The following GABRA3 variants were observed in gnomAD, a reference collection of about 807,000 sequenced individuals.
GABRA3 encodes the protein gamma-aminobutyric acid receptor subunit alpha-3.
Under a neutral mutation model 30.1 loss-of-function variants are expected in GABRA3, and 10 were observed. The observed-to-expected ratio is 0.33, with a 90% CI of 0.20 to 0.56. The LOEUF (loss-of-function observed/expected upper bound fraction) is 0.56. Ranked by LOEUF, GABRA3 falls within the 20% of genes least tolerant of loss-of-function variation. GABRA3 has a pLI of 0.89. For synonymous variants in GABRA3, 151 were observed against 146.8 expected, an observed-to-expected ratio of 1.03 and a Z score of -0.21; for missense variants, 233 against 392.0, an observed-to-expected ratio of 0.59 and a Z score of 3.42.
chrX:152,227,314 T>C (rs1937978133), intron 5 of GABRA3, among the ~76,000 whole-genome samples: 1 of 90,760 alleles, frequency 1.1e-5, no homozygotes, highest in African/African-American at 4.2e-5. Context: ...TTCTCACTCA[T>C]AGGTGGGAAT....
intron 9 of GABRA3, among the ~76,000 whole-genome samples, chrX:152,185,705 G>A (rs192005832): frequency 2.6e-4 from 29 of 111,610 alleles, no homozygotes; most frequent in Middle Eastern, 4.7e-3. Context: ...ACTAGTTCTA[G>A]GTGATTCTTA....
intron 2 of GABRA3, among the ~76,000 whole-genome samples, chrX:152,345,951 C>A (rs1603245568): frequency 9.0e-6 from 1 of 111,031 alleles, no homozygotes; most frequent in East Asian, 2.9e-4. Context: ...TATCCTGGCC[C>A]CAACCCAGCA....
intron 6 of GABRA3, among the ~76,000 whole-genome samples, chrX:152,209,222 G>A: frequency 8.9e-6 from 1 of 112,133 alleles, no homozygotes; most frequent in Middle Eastern, 4.7e-3. Context: ...GAATTCCAAT[G>A]TCAAGTACAG....
intron 1 of GABRA3, among the ~76,000 whole-genome samples, chrX:152,368,668 C>A (rs985588405): frequency 1.9e-5 from 2 of 105,605 alleles, no homozygotes; most frequent in Non-Finnish European, 3.9e-5. Flanking sequence ...AGTGAGATTG[C>A]TGAATCATGT....
chrX:152,394,920 G>A (rs1929614490), intron 1 of GABRA3, among the ~76,000 whole-genome samples: 1 of 111,276 alleles, frequency 9.0e-6, no homozygotes, highest in African/African-American at 3.3e-5. Context: ...CAAAAAGCAT[G>A]TTTTAATATG....
intron 6 of GABRA3, among the ~76,000 whole-genome samples, chrX:152,211,656 G>A (rs1937629815): frequency 8.9e-6 from 1 of 111,829 alleles, no homozygotes. Context: ...ATCACATCAG[G>A]AAGCCCACAA....
intron 6 of GABRA3, among the ~76,000 whole-genome samples, chrX:152,208,814 T>C (rs1002164692): frequency 8.9e-6 from 1 of 111,758 alleles, no homozygotes; most frequent in African/African-American, 3.3e-5. Flanking sequence ...CTGAGGTCCT[T>C]ACAAAATGCA....
chrX:152,287,336 C>T (rs1939315165), intron 3 of GABRA3, among the ~76,000 whole-genome samples: 1 of 111,019 alleles, frequency 9.0e-6, no homozygotes, highest in Non-Finnish European at 1.9e-5. Context: ...ATTGTAATCC[C>T]CATAATTCCC....
At chrX:152,417,214 A>T (rs1346794510) in intron 1 of GABRA3, among the ~76,000 whole-genome samples, 1 of 96,103 alleles carries the variant, frequency 1.0e-5, no homozygotes, top group Non-Finnish European at 2.0e-5. Context: ...AAGTGGGCGA[A>T]GGACATGAAC....
intron 1 of GABRA3, among the ~76,000 whole-genome samples, chrX:152,381,232 G>C (rs1016637094): frequency 8.9e-6 from 1 of 111,814 alleles, no homozygotes; most frequent in African/African-American, 3.3e-5. Flanking sequence ...CCCAGCCTCA[G>C]GTATTCCTTT....
intron 6 of GABRA3, among the ~76,000 whole-genome samples, chrX:152,222,635 T>C (rs1033964085): frequency 9.1e-6 from 1 of 110,456 alleles, no homozygotes; most frequent in Non-Finnish European, 1.9e-5. Context: ...TTTCATTGAA[T>C]TCCATACATT....
intron 1 of GABRA3, among the ~76,000 whole-genome samples, chrX:152,412,804 G>T (rs2092007): frequency 0.52 from 57,532 of 109,749 alleles, 12,620 homozygotes; most frequent in African/African-American, 0.83. Context: ...GCACAACAAT[G>T]TGAATGTATT....
At chrX:152,446,891 A>G in intron 1 of GABRA3, among the ~76,000 whole-genome samples, 1 of 111,827 alleles carries the variant, frequency 8.9e-6, no homozygotes. Flanking sequence ...CTTGCCAAAC[A>G]CATCCCACAT....
chrX:152,348,273 T>C (rs1440608393), intron 2 of GABRA3, among the ~76,000 whole-genome samples: 1 of 111,054 alleles, frequency 9.0e-6, no homozygotes, highest in African/African-American at 3.3e-5. Context: ...TTAGATATTG[T>C]ATAATTCTCT....
rs58184376 is a variant in GABRA3, at chrX:152,172,951, T to TACACAC, written c.1144-4394_1144-4389dup. ...GGTTATATATATTTACGAGTATGTG[T>TACACAC]ACACACACACACACACACACACACA... On this transcript the variant is annotated intron_variant, in intron 9 of 9. Coordinates refer to ENST00000370314, the MANE Select transcript of GABRA3 (RefSeq NM_000808.4). Among the ~76,000 whole-genome samples, 917 of 102,585 alleles carry TACACAC rather than the reference T, an allele frequency of 8.9e-3. 14 individuals carry two copies. Among genetic ancestry groups the TACACAC allele is most frequent in the African/African-American group, 0.029 (806 of 28,167 alleles). 89.1% of individuals were successfully genotyped at this position (102,585 alleles called of 115,157 possible). A position where few individuals can be genotyped will look rare whatever the true frequency, so the allele number is the denominator to read the frequency against.
chrX:152,285,288 T>C (rs761719249), intron 3 of GABRA3, among the ~76,000 whole-genome samples: 2 of 112,275 alleles, frequency 1.8e-5, no homozygotes, highest in African/African-American at 6.4e-5. Context: ...TCTGGAATGA[T>C]GAGCTAATAT....
chrX:152,354,348 T>C (rs973422072), intron 2 of GABRA3, among the ~76,000 whole-genome samples: 1 of 111,748 alleles, frequency 8.9e-6, no homozygotes, highest in Non-Finnish European at 1.9e-5. Flanking sequence ...ATAAGGATTA[T>C]ATTAATCAAC....
chrX:152,435,273 C>G (rs1346051952), intron 1 of GABRA3, among the ~76,000 whole-genome samples: 1 of 111,082 alleles, frequency 9.0e-6, no homozygotes, highest in Non-Finnish European at 1.9e-5. Flanking sequence ...ATAAATCACT[C>G]TACTATAAAG....
chrX:152,275,469 A>ATATATTTACATATTTATTTTAAATATAT (rs1307337415), intron 4 of GABRA3, among the ~76,000 whole-genome samples: 1 of 106,677 alleles, frequency 9.4e-6, no homozygotes, highest in Non-Finnish European at 1.9e-5. Context: ...AATATCAAAT[A>ATATATTTACATATTTATTTTAAATATAT]AATAGAGCTG....
Sources: gnomAD v4.1 joint callset for allele counts (sites outside exome capture counted in the v4.1 genomes callset) on GRCh38, gnomAD v4.1.1 for gene constraint, MANE v1.5 for transcripts, NCBI Gene and HGNC (gene_info 2026-07-23, HGNC 2026-07-21) for gene names.